Variants in NBEA observed in about 807,000 individuals in gnomAD.
The protein encoded by NBEA is neurobeachin, also known as lysosomal-trafficking regulator 2.
NBEA carries 44 observed loss-of-function variants against 343.4 expected under a neutral mutation model. That is an observed-to-expected ratio of 0.13 (90% CI 0.10 to 0.16). NBEA has a LOEUF of 0.16. Among genes scored for constraint, NBEA ranks in the 10% least tolerant of loss-of-function variants. The pLI, the probability that NBEA is intolerant of heterozygous loss-of-function variation, is 1.00. For synonymous variants in NBEA, 1,175 were observed against 1,238.7 expected (o/e 0.95, Z 1.08); for missense variants, 2,555 against 3,631.3 (o/e 0.70, Z 7.62).
chr13:35,413,803 A>G (rs1049187619), intron 38 of NBEA, among the ~76,000 whole-genome samples: 2 of 152,154 alleles, frequency 1.3e-5, no homozygotes, highest in Non-Finnish European at 2.9e-5. Flanking sequence ...TATACATATG[A>G]TGCTCAATGT....
At chr13:35,229,795 A>G (rs1210754469) in intron 33 of NBEA, among the ~76,000 whole-genome samples, 5 of 152,102 alleles carry the variant, frequency 3.3e-5, no homozygotes. Flanking sequence ...TTTCTTTCAG[A>G]ATTTAAATTG....
intron 38 of NBEA, among the ~76,000 whole-genome samples, chr13:35,412,172 A>G (rs1262603979): frequency 6.6e-6 from 1 of 152,166 alleles, no homozygotes; most frequent in Non-Finnish European, 1.5e-5. Flanking sequence ...TAGTATGTGT[A>G]TAGATATATA....
chr13:35,596,382 T>G (rs1176499556), intron 47 of NBEA, among the ~76,000 whole-genome samples: 1 of 152,182 alleles, frequency 6.6e-6, no homozygotes, highest in Non-Finnish European at 1.5e-5. Flanking sequence ...CATGATATAT[T>G]TTTTAAGGAA....
intron 34 of NBEA, among the ~76,000 whole-genome samples, chr13:35,239,234 A>G (rs909804251): frequency 3.3e-5 from 5 of 152,180 alleles, no homozygotes; most frequent in Admixed American, 2.0e-4. Context: ...CAGGTATCTC[A>G]TTGGACCCCA....
At chr13:35,075,602 A>G (rs1358493967) in intron 10 of NBEA, among the ~76,000 whole-genome samples, 2 of 152,112 alleles carry the variant, frequency 1.3e-5, no homozygotes, top group African/African-American at 4.8e-5. Context: ...TATCATATGA[A>G]CAGTCCTCTT....
intron 16 of NBEA, among the ~76,000 whole-genome samples, chr13:35,120,486 T>C (rs896602353): frequency 2.0e-5 from 3 of 152,202 alleles, no homozygotes; most frequent in African/African-American, 7.2e-5. Flanking sequence ...ATAGAAAATA[T>C]TGAAAGTGGC....
At chr13:35,649,201 G>A (rs1406285697) in intron 51 of NBEA, among the ~76,000 whole-genome samples, 1 of 152,142 alleles carries the variant, frequency 6.6e-6, no homozygotes, top group Non-Finnish European at 1.5e-5. Flanking sequence ...TTAGACTGTA[G>A]TCATGACCCC....
chr13:35,121,826 A>T (rs1210492519), intron 16 of NBEA, among the ~76,000 whole-genome samples: 1 of 152,168 alleles, frequency 6.6e-6, no homozygotes, highest in African/African-American at 2.4e-5. Context: ...ATTATATTGC[A>T]TCTTTTACTA....
intron 38 of NBEA, among the ~76,000 whole-genome samples, chr13:35,379,434 T>C (rs2041901927): frequency 6.6e-6 from 1 of 152,176 alleles, no homozygotes; most frequent in Non-Finnish European, 1.5e-5. Flanking sequence ...AAGAATTCAG[T>C]ATATATTTTG....
intron 41 of NBEA, among the ~76,000 whole-genome samples, chr13:35,538,012 A>G (rs914890968): frequency 3.9e-5 from 6 of 152,190 alleles, no homozygotes; most frequent in Non-Finnish European, 8.8e-5. Context: ...GATCATTAAG[A>G]GAGATCCTCT....
At chr13:35,603,001 A>AT (rs1259133057) in intron 47 of NBEA, among the ~76,000 whole-genome samples, 1 of 152,220 alleles carries the variant, frequency 6.6e-6, no homozygotes, top group Non-Finnish European at 1.5e-5. Context: ...CTTTTTCTAT[A>AT]TTTAAATTGA....
chr13:35,406,052 G>GA (rs1451261770), intron 38 of NBEA, among the ~76,000 whole-genome samples: 1 of 152,058 alleles, frequency 6.6e-6, no homozygotes, highest in African/African-American at 2.4e-5. Flanking sequence ...GGCTGAGTCA[G>GA]AAAAAGAGCT....
At chr13:35,613,448 C>A (rs895817727) in intron 48 of NBEA, among the ~76,000 whole-genome samples, 1 of 151,880 alleles carries the variant, frequency 6.6e-6, no homozygotes, top group African/African-American at 2.4e-5. Context: ...TCCATTCATT[C>A]GTTGGTAGAC....
At chr13:35,069,765 AAAGT>A (rs1425585802) in intron 8 of NBEA, 139 bp from the exon 9 acceptor site, 3 of 442,518 alleles carry the variant, frequency 6.8e-6, no homozygotes, top group Non-Finnish European at 1.2e-5. Context: ...TGACAATAAC[AAAGT>A]AAGTAATACC....
At chr13:35,665,648 C>T (rs1221800242) in intron 56 of NBEA, among the ~76,000 whole-genome samples, 1 of 152,056 alleles carries the variant, frequency 6.6e-6, no homozygotes, top group Non-Finnish European at 1.5e-5. Context: ...GTTTTTGAGG[C>T]ATACCTTCAC....
chr13:35,410,024 C>T (rs554178620), intron 38 of NBEA, among the ~76,000 whole-genome samples: 1 of 152,136 alleles, frequency 6.6e-6, no homozygotes, highest in South Asian at 2.1e-4. Flanking sequence ...TGATTTGATA[C>T]TGGCATTTAT....
chr13:35,137,840 T>C (rs1383325580), intron 17 of NBEA, among the ~76,000 whole-genome samples: 1 of 152,078 alleles, frequency 6.6e-6, no homozygotes, highest in African/African-American at 2.4e-5. Context: ...TTTAAAATGC[T>C]ATAGTAGAAA....
At chr13:35,170,651 C>T (rs1055157937) in intron 25 of NBEA, among the ~76,000 whole-genome samples, 5 of 151,406 alleles carry the variant, frequency 3.3e-5, no homozygotes, top group East Asian at 1.9e-4. Context: ...TTATAAGTCA[C>T]GAATTAAATA....
intron 44 of NBEA, among the ~76,000 whole-genome samples, chr13:35,563,271 A>G (rs1035490146): frequency 2.0e-5 from 3 of 151,974 alleles, no homozygotes; most frequent in African/African-American, 7.2e-5. Context: ...ACTAAATATC[A>G]ACTATCCTAA....
Sources: gnomAD v4.1 joint callset for allele counts (sites outside exome capture counted in the v4.1 genomes callset) on GRCh38, gnomAD v4.1.1 for gene constraint, MANE v1.5 for transcripts, NCBI Gene and HGNC (gene_info 2026-07-23, HGNC 2026-07-21) for gene names.